Variants in B3GALT1 observed in about 807,000 individuals in gnomAD.
B3GALT1 encodes the protein UDP-Gal:betaGlcNAc beta 1,3-galactosyltransferase, polypeptide 1.
In B3GALT1, 10 loss-of-function variants were observed where a neutral mutation model predicts 23.2. That is an observed-to-expected ratio of 0.43 (90% confidence interval 0.27 to 0.73). The LOEUF (loss-of-function observed/expected upper bound fraction) is 0.73, where lower values mean the gene tolerates loss of function less well. Ranked by LOEUF, B3GALT1 falls within the 30% of genes least tolerant of loss-of-function variation. The probability of loss-of-function intolerance (pLI) is 0.21; values close to 1 mark genes in which losing one functional copy is unlikely to be tolerated. For missense variants in B3GALT1, 299 were observed against 405.4 expected, an observed-to-expected ratio of 0.74 and a Z score of 2.25; for synonymous variants, 156 against 141.5, an observed-to-expected ratio of 1.10 and a Z score of -0.73.
intron 3 of B3GALT1, among the ~76,000 whole-genome samples, chr2:167,647,626 A>G (rs7602591): frequency 0.042 from 6,363 of 152,192 alleles, 465 homozygotes; most frequent in African/African-American, 0.15. Context: ...TCCTGTTCTG[A>G]ATGTCTTCCC....
chr2:167,312,971 A>T (rs189910433), intron 1 of B3GALT1, among the ~76,000 whole-genome samples: 61 of 152,142 alleles, frequency 4.0e-4, no homozygotes, highest in Non-Finnish European at 5.7e-4. Flanking sequence ...GGTATAAAAC[A>T]TACCATTACA....
intron 1 of B3GALT1, among the ~76,000 whole-genome samples, chr2:167,456,263 T>A (rs1198115029): frequency 6.6e-6 from 1 of 152,144 alleles, no homozygotes; most frequent in Non-Finnish European, 1.5e-5. Flanking sequence ...AAGGCTTCTT[T>A]TAAACAATCA....
chr2:167,362,217 CACTTTTG>C (rs1243305010), intron 1 of B3GALT1, among the ~76,000 whole-genome samples: 1 of 151,888 alleles, frequency 6.6e-6, no homozygotes, highest in Non-Finnish European at 1.5e-5. Flanking sequence ...ACTGTTTTTC[CACTTTTG>C]ACTTTGAAAA....
chr2:167,661,575 AG>A (rs1418037545), intron 3 of B3GALT1, among the ~76,000 whole-genome samples: 1 of 152,108 alleles, frequency 6.6e-6, no homozygotes, highest in African/African-American at 2.4e-5. Flanking sequence ...CAGCATTGTT[AG>A]CCACTAGGTA....
chr2:167,394,070 A>T (rs1322939482), intron 1 of B3GALT1, among the ~76,000 whole-genome samples: 3 of 152,198 alleles, frequency 2.0e-5, no homozygotes, highest in Admixed American at 6.5e-5. Context: ...CTTCATATTT[A>T]ATTTTAGCTG....
intron 3 of B3GALT1, among the ~76,000 whole-genome samples, chr2:167,688,624 T>TA (rs1204284885): frequency 1.3e-5 from 2 of 150,832 alleles, no homozygotes; most frequent in Non-Finnish European, 3.0e-5. Flanking sequence ...GAAAATCAAC[T>TA]AAAAAAAATG....
intron 1 of B3GALT1, among the ~76,000 whole-genome samples, chr2:167,333,117 TG>T (rs1697000319): frequency 6.6e-6 from 1 of 152,156 alleles, no homozygotes; most frequent in African/African-American, 2.4e-5. Flanking sequence ...TCTGTTAAAA[TG>T]GTAGTAAAAG....
chr2:167,575,795 G>A (rs1558912249), intron 2 of B3GALT1, among the ~76,000 whole-genome samples: 1 of 151,682 alleles, frequency 6.6e-6, no homozygotes, highest in Non-Finnish European at 1.5e-5. Context: ...GAACAAAAGA[G>A]GGTGAACCAA....
intron 1 of B3GALT1, among the ~76,000 whole-genome samples, chr2:167,351,504 A>G (rs1362988988): frequency 6.6e-6 from 1 of 152,200 alleles, no homozygotes; most frequent in Non-Finnish European, 1.5e-5. Flanking sequence ...ATCAAAAATA[A>G]GAGAGAATTT....
intron 1 of B3GALT1, among the ~76,000 whole-genome samples, chr2:167,419,162 T>G (rs1387012831): frequency 6.6e-6 from 1 of 152,076 alleles, no homozygotes; most frequent in Non-Finnish European, 1.5e-5. Flanking sequence ...GATAAGAAAA[T>G]CCATAGTCTT....
intron 4 of B3GALT1, among the ~76,000 whole-genome samples, chr2:167,838,352 C>A (rs1428383838): frequency 1.3e-5 from 2 of 152,252 alleles, no homozygotes; most frequent in East Asian, 3.8e-4. Flanking sequence ...GATATCACCA[C>A]CGATCCCACA....
In B3GALT1 at chr2:167,762,700, G is replaced by A. The variant is rs550277409; in HGVS notation, c.-351-55972G>A. 6.8e-4 allele frequency among the ~76,000 whole-genome samples: 103 copies of A among 152,214 alleles called. 2 individuals carry two copies. In the South Asian group the frequency reaches 0.021, roughly 31 times the overall value. ...GAAGCCTCTTTGCACTTAGAGTTTG[G>A]GGTATGACTGGGCTCCTTTCTGGAG... On this transcript the variant is annotated intron_variant, in intron 3 of 4. Coordinates refer to ENST00000392690, the MANE Select transcript of B3GALT1 (RefSeq NM_020981.4).
chr2:167,350,834 C>T (rs868622372), intron 1 of B3GALT1, among the ~76,000 whole-genome samples: 5 of 152,316 alleles, frequency 3.3e-5, no homozygotes, highest in Admixed American at 6.5e-5. Flanking sequence ...ACCACTTGAG[C>T]CTGGTATGCA....
chr2:167,491,233 A>C (rs1415099771), intron 2 of B3GALT1, among the ~76,000 whole-genome samples: 1 of 152,184 alleles, frequency 6.6e-6, no homozygotes, highest in South Asian at 2.1e-4. Flanking sequence ...TCAAAGCCAG[A>C]CTGAATATTG....
intron 1 of B3GALT1, among the ~76,000 whole-genome samples, chr2:167,313,215 A>C (rs575057872): frequency 6.6e-6 from 1 of 152,040 alleles, no homozygotes; most frequent in Admixed American, 6.5e-5. Flanking sequence ...AGATCTTACT[A>C]ACTCTCCCCT....
intron 1 of B3GALT1, among the ~76,000 whole-genome samples, chr2:167,444,030 G>C (rs889592203): frequency 3.9e-5 from 6 of 152,120 alleles, no homozygotes; most frequent in Non-Finnish European, 8.8e-5. Flanking sequence ...TTATTATTTT[G>C]AGATACATCC....
intron 2 of B3GALT1, among the ~76,000 whole-genome samples, chr2:167,640,954 A>G (rs138147550): frequency 9.9e-5 from 15 of 152,266 alleles, no homozygotes; most frequent in Non-Finnish European, 2.1e-4. Flanking sequence ...TGGTCTGAAT[A>G]TCCTTGGGAC....
chr2:167,307,754 T>C (rs890826746), intron 1 of B3GALT1, among the ~76,000 whole-genome samples: 10 of 152,028 alleles, frequency 6.6e-5, no homozygotes, highest in African/African-American at 2.4e-4. Context: ...TTCCAAGATC[T>C]TCCCTTCCCT....
chr2:167,615,118 C>A (rs1021617086), intron 2 of B3GALT1, among the ~76,000 whole-genome samples: 1 of 151,966 alleles, frequency 6.6e-6, no homozygotes, highest in African/African-American at 2.4e-5. Flanking sequence ...AGTTACATGA[C>A]ACTTCTTAAA....
Sources: gnomAD v4.1 joint callset for allele counts (sites outside exome capture counted in the v4.1 genomes callset) on GRCh38, gnomAD v4.1.1 for gene constraint, MANE v1.5 for transcripts, NCBI Gene and HGNC (gene_info 2026-07-23, HGNC 2026-07-21) for gene names.